TSPAN9: variants seen among roughly 807,000 people sequenced by gnomAD.
TSPAN9 encodes tetraspanin 9.
TSPAN9 carries 16 observed loss-of-function variants against 31.0 expected under a neutral mutation model. That is an observed-to-expected ratio of 0.52 (90% CI 0.35 to 0.78). TSPAN9 has a LOEUF of 0.78. TSPAN9 is among the 30% of genes least tolerant of loss of function. The pLI is 0.01. For synonymous variants in TSPAN9, 145 were observed against 121.6 expected, an observed-to-expected ratio of 1.19 and a Z score of -1.27; for missense variants, 272 against 312.5, an observed-to-expected ratio of 0.87 and a Z score of 0.98.
chr12:3,262,882 A>G (rs1862476307), intron 3 of TSPAN9, among the ~76,000 whole-genome samples: 1 of 152,112 alleles, frequency 6.6e-6, no homozygotes, highest in Non-Finnish European at 1.5e-5. Context: ...CAGGCAGGAA[A>G]TTGGCATCAG....
chr12:3,235,867 C>T (rs1438202154), intron 3 of TSPAN9, among the ~76,000 whole-genome samples: 1 of 152,232 alleles, frequency 6.6e-6, no homozygotes, highest in Non-Finnish European at 1.5e-5. Context: ...GGGCTTTGGC[C>T]TAGCTTGCCT....
intron 2 of TSPAN9, among the ~76,000 whole-genome samples, chr12:3,125,673 T>G (rs1373226943): frequency 1.3e-5 from 2 of 152,122 alleles, no homozygotes. Context: ...ATAGAAGAAT[T>G]TGCGACTCCT....
chr12:3,169,348 A>G (rs981256296), intron 2 of TSPAN9, among the ~76,000 whole-genome samples: 2 of 152,204 alleles, frequency 1.3e-5, no homozygotes, highest in Non-Finnish European at 2.9e-5. Flanking sequence ...GAGGGAGTTC[A>G]TGTGATCTGG....
rs909564384 is a variant in TSPAN9, at chr12:3,086,652, G to T, written c.-18+2933G>T. Among the ~76,000 whole-genome samples, 7 of 152,324 alleles carry T rather than the reference G, an allele frequency of 4.6e-5. No homozygotes were observed. The East Asian group carries it at 5.8e-4, about 13-fold the overall frequency. On this transcript the variant is annotated intron_variant, in intron 2 of 8. Coordinates refer to ENST00000011898, the MANE Select transcript of TSPAN9 (RefSeq NM_006675.5). ...GAGGCTTTGCTGTTATTGCAGGAAGGCTGGAGGGTCTTGTGGCCTTTGGGG... is the reference window on the plus strand; with the variant it reads ...GAGGCTTTGCTGTTATTGCAGGAAGTCTGGAGGGTCTTGTGGCCTTTGGGG...
chr12:3,254,295 G>A (rs533924377), intron 3 of TSPAN9, among the ~76,000 whole-genome samples: 153 of 152,120 alleles, frequency 1.0e-3, no homozygotes, highest in Non-Finnish European at 1.4e-3. Flanking sequence ...ATGCTCAGAC[G>A]CTCTCTTCCT....
rs1471261199 is a variant in TSPAN9, at chr12:3,094,862, TTTTTTTTG to T, written c.-18+11149_-18+11156del. ...AATCAATAATCTTTTTTTTTTTTTT[TTTTTTTTG>T]TTTTTAAATTTATTTTTTTATTGAT... On this transcript the variant is annotated intron_variant, in intron 2 of 8. Transcript: ENST00000011898. 5.4e-4 allele frequency among the ~76,000 whole-genome samples: 60 copies of T among 110,492 alleles called. 1 individual carries two copies. The highest frequency in any genetic ancestry group is 8.8e-4 in the African/African-American group (31 of 35,122). The allele number at this position is 110,492 out of a possible 152,430, so 72.5% of individuals were successfully genotyped here.
At chr12:3,182,654 C>T (rs923196499) in intron 2 of TSPAN9, among the ~76,000 whole-genome samples, 1 of 152,132 alleles carries the variant, frequency 6.6e-6, no homozygotes, top group African/African-American at 2.4e-5. Context: ...CAGGTCTGTC[C>T]GCAAAGAGAG....
chr12:3,121,533 C>CGTTTTTTTTTTTTTTTTT (rs1426241959), intron 2 of TSPAN9, among the ~76,000 whole-genome samples: 1 of 92,926 alleles, frequency 1.1e-5, no homozygotes, highest in Non-Finnish European at 2.0e-5. Flanking sequence ...CTAATTAAAA[C>CGTTTTTTTTTTTTTTTTT]TTTTTTTTTT....
chr12:3,103,593 C>T (rs986399895), intron 2 of TSPAN9, among the ~76,000 whole-genome samples: 10 of 144,324 alleles, frequency 6.9e-5, no homozygotes, highest in Admixed American at 1.3e-4. Flanking sequence ...CTGTAGGGCT[C>T]CCCACCATGC....
chr12:3,281,678 C>A, intron 7 of TSPAN9, 56 bp from the exon 8 acceptor site: 1 of 1,563,688 alleles, frequency 6.4e-7, no homozygotes, highest in Non-Finnish European at 8.7e-7. Flanking sequence ...GGGGGCTGGG[C>A]TGCAGGGAGC....
chr12:3,111,236 G>T (rs1032579163), intron 2 of TSPAN9, among the ~76,000 whole-genome samples: 2 of 152,206 alleles, frequency 1.3e-5, no homozygotes, highest in Admixed American at 6.5e-5. Context: ...ACATAGTCCA[G>T]ATCCTACCTC....
chr12:3,141,769 C>G (rs1330397737), intron 2 of TSPAN9, among the ~76,000 whole-genome samples: 1 of 152,132 alleles, frequency 6.6e-6, no homozygotes, highest in Non-Finnish European at 1.5e-5. Context: ...TTGGGGCCAC[C>G]CATGCTTAGT....
chr12:3,264,025 T>TA (rs1565637446), intron 3 of TSPAN9, among the ~76,000 whole-genome samples: 1 of 152,188 alleles, frequency 6.6e-6, no homozygotes, highest in African/African-American at 2.4e-5. Context: ...GCAGAGTTTT[T>TA]ATCAGGTAGT....
At chr12:3,152,137 C>G (rs2153968678) in intron 2 of TSPAN9, among the ~76,000 whole-genome samples, 1 of 152,302 alleles carries the variant, frequency 6.6e-6, no homozygotes, top group African/African-American at 2.4e-5. Flanking sequence ...GTCTGACCAG[C>G]TTGGAAGGAG....
At chr12:3,132,279 A>G (rs1229677992) in intron 2 of TSPAN9, among the ~76,000 whole-genome samples, 1 of 152,120 alleles carries the variant, frequency 6.6e-6, no homozygotes, top group Non-Finnish European at 1.5e-5. Flanking sequence ...TTTTGAGCAT[A>G]TACCTAGGAG....
chr12:3,200,602 A>C (rs1440607791), intron 2 of TSPAN9: 2 of 152,318 alleles, frequency 1.3e-5, no homozygotes, highest in African/African-American at 4.8e-5. Context: ...GACGGCCTGG[A>C]AAGAGAAATC....
chr12:3,248,890 C>T (rs116433570), intron 3 of TSPAN9, among the ~76,000 whole-genome samples: 6,162 of 152,236 alleles, frequency 0.04, 376 homozygotes, highest in African/African-American at 0.13. Context: ...TAATGGATCC[C>T]ACCACCTGCC....
chr12:3,162,164 C>G (rs1199701604), intron 2 of TSPAN9, among the ~76,000 whole-genome samples: 1 of 152,164 alleles, frequency 6.6e-6, no homozygotes. Flanking sequence ...CACCTCCCCC[C>G]ACTGTCTTGC....
At chr12:3,232,646 A>G (rs1188169984) in intron 3 of TSPAN9, among the ~76,000 whole-genome samples, 4 of 152,262 alleles carry the variant, frequency 2.6e-5, no homozygotes, top group African/African-American at 9.6e-5. Flanking sequence ...TTTGTTGGTC[A>G]GGAGTGGAGA....
Sources: allele counts gnomAD v4.1 joint callset (sites outside exome capture counted in the v4.1 genomes callset), GRCh38; gene constraint gnomAD v4.1.1; transcripts MANE v1.5; gene names NCBI Gene and HGNC (gene_info 2026-07-23, HGNC 2026-07-21).